Variants in ZDHHC19 observed in about 807,000 individuals in gnomAD.
The protein encoded by ZDHHC19 is palmitoyltransferase ZDHHC19.
In ZDHHC19, 30 loss-of-function variants were observed where a neutral mutation model predicts 33.9. The observed-to-expected ratio is 0.88, with a 90% confidence interval of 0.66 to 1.20. The LOEUF (loss-of-function observed/expected upper bound fraction) is 1.20. Among genes scored for constraint, ZDHHC19 ranks in the 50% most tolerant of loss-of-function variants. The pLI, the probability that ZDHHC19 is intolerant of heterozygous loss-of-function variation, is 0.00. For synonymous variants in ZDHHC19, 178 were observed against 167.6 expected (o/e 1.06, Z -0.48); for missense variants, 364 against 401.1 (o/e 0.91, Z 0.79).
intron 5 of ZDHHC19, 85 bp from the exon 6 acceptor site, chr3:196,198,959 C>A: frequency 7.1e-7 from 1 of 1,408,560 alleles, no homozygotes; most frequent in South Asian, 1.2e-5. Flanking sequence ...CTGAGCTGGT[C>A]AGCTAGCCAG....
intron 5 of ZDHHC19, among the ~76,000 whole-genome samples, chr3:196,207,062 C>T (rs1233979667): frequency 6.6e-6 from 1 of 152,172 alleles, no homozygotes; most frequent in Non-Finnish European, 1.5e-5. Flanking sequence ...AGCTCAGGAC[C>T]GGCCCCCTCT....
intron 3 of ZDHHC19, chr3:196,209,068 G>A (rs1032277413): frequency 7.0e-5 from 25 of 359,322 alleles, no homozygotes; most frequent in African/African-American, 4.4e-4. Flanking sequence ...AGGGGCTTGG[G>A]TATCTCGTGT....
chr3:196,209,353 T>C, intron 3 of ZDHHC19, 23 bp downstream of exon 3: 1 of 1,579,626 alleles, frequency 6.3e-7, no homozygotes, highest in Non-Finnish European at 8.6e-7. Flanking sequence ...CGATGGCTGG[T>C]GGACAGGTAG....
chr3:196,207,741 G>A (rs1722875145), intron 4 of ZDHHC19, among the ~76,000 whole-genome samples: 1 of 14,244 alleles, frequency 7.0e-5, no homozygotes, highest in African/African-American at 3.9e-4. Flanking sequence ...CCCGCCCCTG[G>A]CCCCGCCCCT....
At position 196,198,312 on chromosome 3, in the gene ZDHHC19, TCCCTTCCCTGCTTTGTAGGGA is replaced by T; in HGVS notation, c.892_912del (p.Ser298_Gly304del). 7 of 1,493,828 alleles carry T rather than the reference TCCCTTCCCTGCTTTGTAGGGA, an allele frequency of 4.7e-6. No individual in the cohort carries two copies. Among genetic ancestry groups the T allele is most frequent in the Non-Finnish European group, 6.2e-6 (7 of 1,121,256 alleles). The allele number at this position is 1,493,828 out of a possible 1,614,324, so 92.5% of individuals were successfully genotyped here. ...CTGCAGCCTCACCACGCCCCGGGGG[TCCCTTCCCTGCTTTGTAGGGA>T]CCCAGAGGTTGGGGCTGGGGGGTTG... On this transcript the variant is annotated inframe_deletion, in exon 7 of 8. Coordinates refer to ENST00000296326, the MANE Select transcript of ZDHHC19 (RefSeq NM_001039617.2).
intron 5 of ZDHHC19, among the ~76,000 whole-genome samples, chr3:196,201,411 T>G (rs1722342035): frequency 6.6e-6 from 1 of 151,458 alleles, no homozygotes. Context: ...CGCAAGATGC[T>G]TTCAGATATG....
chr3:196,210,520 G>A, intron 2 of ZDHHC19, 96 bp downstream of exon 2: 2 of 1,546,424 alleles, frequency 1.3e-6, no homozygotes, highest in South Asian at 2.4e-5. Context: ...TCCAGAGGCT[G>A]GAGGAGGGTC....
In ZDHHC19 at chr3:196,201,234, A is replaced by G. The variant is rs562629215; in HGVS notation, c.688-2360T>C. On this transcript the variant is annotated intron_variant, in intron 5 of 7. Transcript: ENST00000296326. ...ATTACAGGCACCCACCATCACGCCC[A>G]GCTAATTTTTGTATTTTTAGTAGAG... 5.9e-5 allele frequency among the ~76,000 whole-genome samples: 9 copies of G among 151,318 alleles called. 1 individual carries two copies. The highest frequency in any genetic ancestry group is 2.1e-4 in the South Asian group (1 of 4,800).
intron 3 of ZDHHC19, chr3:196,209,075 G>A (rs1723008474): frequency 5.4e-6 from 2 of 368,882 alleles, no homozygotes; most frequent in Middle Eastern, 7.6e-4. Flanking sequence ...TGGGTATCTC[G>A]TGTTAGCGAG....
intron 2 of ZDHHC19, 27 bp downstream of exon 2, chr3:196,210,589 C>T (rs774536836): frequency 6.2e-7 from 1 of 1,613,778 alleles, no homozygotes; most frequent in Non-Finnish European, 8.5e-7. Flanking sequence ...AGTGACACCT[C>T]CTTTTCCCAG....
intron 5 of ZDHHC19, among the ~76,000 whole-genome samples, chr3:196,200,535 T>C (rs997557472): frequency 2.7e-5 from 4 of 150,106 alleles, no homozygotes; most frequent in Admixed American, 6.6e-5. Context: ...TTTGTATTTT[T>C]AGTAGAGACG....
chr3:196,204,721 G>A (rs1722601107), intron 5 of ZDHHC19, among the ~76,000 whole-genome samples: 1 of 152,162 alleles, frequency 6.6e-6, no homozygotes, highest in African/African-American at 2.4e-5. Flanking sequence ...ACGTTCGTAA[G>A]GATGCAAAGC....
At chr3:196,198,714 G>C in intron 6 of ZDHHC19, 75 bp downstream of exon 6, 1 of 1,606,892 alleles carries the variant, frequency 6.2e-7, no homozygotes, top group East Asian at 2.2e-5. Flanking sequence ...TGGGGCTGTG[G>C]TAAGGAGCCA....
chr3:196,198,942 G>T (rs1722023608), intron 5 of ZDHHC19, 68 bp from the exon 6 acceptor site: 3 of 1,520,868 alleles, frequency 2.0e-6, no homozygotes, highest in Non-Finnish European at 1.8e-6. Context: ...TCGCCCAGTG[G>T]CCCTCCCTGA....
At position 196,198,847 on chromosome 3, in the gene ZDHHC19, AG is replaced by A; in HGVS notation, c.714del (p.Phe239SerfsTer11). ...CAGTTGCTGGCACAGCCCTGGTCGA[AG>A]GGGTTGTATCCCTGAAGGTGTCTGC... ...GKCRHLQGYNPFDQGCASNWY... is the reference protein window; with the variant it reads ...GKCRHLQGYNXFDQGCASNWY... On this transcript the variant is annotated frameshift_variant, in exon 6 of 8. Coordinates refer to ENST00000296326, the MANE Select transcript of ZDHHC19 (RefSeq NM_001039617.2). LOFTEE classifies it high-confidence loss of function. 1 of 1,614,056 alleles carries A rather than the reference AG, an allele frequency of 6.2e-7. No homozygotes were observed.
chr3:196,200,534 T>C (rs1476828634), intron 5 of ZDHHC19, among the ~76,000 whole-genome samples: 1 of 150,190 alleles, frequency 6.7e-6, no homozygotes, highest in East Asian at 1.9e-4. Flanking sequence ...TTTTGTATTT[T>C]TAGTAGAGAC....
chr3:196,205,791 C>T (rs1722683992), intron 5 of ZDHHC19, among the ~76,000 whole-genome samples: 1 of 152,074 alleles, frequency 6.6e-6, no homozygotes. Context: ...CTCCAAATAG[C>T]TGGGATTACA....
At chr3:196,200,852 G>A (rs748081722) in intron 5 of ZDHHC19, among the ~76,000 whole-genome samples, 9 of 151,400 alleles carry the variant, frequency 5.9e-5, no homozygotes, top group Non-Finnish European at 1.2e-4. Flanking sequence ...GTCTGGCTAT[G>A]TTGCCCAGGC....
rs761361464 is a variant in ZDHHC19, at chr3:196,210,654, A to C, written c.230T>G (p.Val77Gly). ...SLFVLTFFSL[V>G]SLNFSDPGIL... ...GCCAGGGTCTGAGAAGTTGAGTGAA[A>C]CAAGACTGAAGAAGGTAAGGACAAA... The change falls in exon 2 of 8, where the codon GTT becomes GGT. Residue 77 changes from valine to glycine, a missense_variant. Coordinates refer to ENST00000296326, the MANE Select transcript of ZDHHC19 (RefSeq NM_001039617.2). The C allele has an allele frequency of 6.2e-7, 1 of 1,614,084 alleles. No homozygotes were observed. Among genetic ancestry groups the C allele is most frequent in the Admixed American group, 1.7e-5 (1 of 60,000 alleles).
Sources: allele counts gnomAD v4.1 joint callset (sites outside exome capture counted in the v4.1 genomes callset), GRCh38; gene constraint gnomAD v4.1.1; transcripts MANE v1.5; gene names NCBI Gene and HGNC (gene_info 2026-07-23, HGNC 2026-07-21).